NOL4L: variants seen among roughly 807,000 people sequenced by gnomAD.
The protein encoded by NOL4L is nucleolar protein 4 like.
NOL4L carries 7 observed loss-of-function variants against 64.5 expected under a neutral mutation model. The ratio of observed to expected loss-of-function variants is 0.11; its 90% CI spans 0.06 to 0.20. NOL4L has a LOEUF of 0.20. Ranked by LOEUF, NOL4L falls within the 10% of genes least tolerant of loss-of-function variation. The pLI is 1.00. For synonymous variants in NOL4L, 413 were observed against 401.0 expected, an observed-to-expected ratio of 1.03 and a Z score of -0.36; for missense variants, 680 against 967.1, an observed-to-expected ratio of 0.70 and a Z score of 3.94.
chr20:32,499,265 C>A (rs2016822353), intron 4 of NOL4L, among the ~76,000 whole-genome samples: 1 of 152,014 alleles, frequency 6.6e-6, no homozygotes. Context: ...TGTTTAGAGC[C>A]CCCCGATCCT....
intron 4 of NOL4L, among the ~76,000 whole-genome samples, chr20:32,502,074 G>A (rs970237200): frequency 6.6e-6 from 1 of 152,210 alleles, no homozygotes; most frequent in Admixed American, 6.5e-5. Flanking sequence ...ATGAGAGGGT[G>A]TAAGAGTGCA....
At chr20:32,457,187 T>A (rs1600649733) in intron 5 of NOL4L, among the ~76,000 whole-genome samples, 1 of 152,192 alleles carries the variant, frequency 6.6e-6, no homozygotes, top group Admixed American at 6.5e-5. Flanking sequence ...GAGGAAACTT[T>A]AACCAGGGGA....
intron 1 of NOL4L, among the ~76,000 whole-genome samples, chr20:32,567,936 TCAC>T (rs1009930797): frequency 1.3e-5 from 2 of 148,564 alleles, no homozygotes; most frequent in African/African-American, 2.6e-5. Context: ...ATCATCATCA[TCAC>T]CATCACCATC....
rs374545796 is a variant in NOL4L at position 32,517,591 on chromosome 20, C to T, written c.589+3220G>A. Among the ~76,000 whole-genome samples, 481 of 152,336 alleles carry T rather than the reference C, an allele frequency of 3.2e-3. 5 individuals are homozygous for T. The highest frequency in any genetic ancestry group is 0.011 in the African/African-American group (448 of 41,578). On this transcript the variant is annotated intron_variant, in intron 3 of 10. Coordinates refer to ENST00000621426, the MANE Select transcript of NOL4L (RefSeq NM_001256798.2). ...CACTGGCAGCTTCCAGAAACCAGGC[C>T]TTTCCCTTCTAACCCTGTCCAGGGT...
intron 4 of NOL4L, among the ~76,000 whole-genome samples, chr20:32,488,817 CT>C (rs1394405957): frequency 8.4e-5 from 2 of 23,930 alleles, no homozygotes; most frequent in East Asian, 2.2e-3. Flanking sequence ...TTCTTTCTTT[CT>C]TTCTTTCTTT....
intron 5 of NOL4L, among the ~76,000 whole-genome samples, chr20:32,456,801 C>A (rs1398217586): frequency 6.6e-6 from 1 of 152,224 alleles, no homozygotes; most frequent in African/African-American, 2.4e-5. Flanking sequence ...CACCTCCCAC[C>A]CACCCTGCTC....
intron 1 of NOL4L, among the ~76,000 whole-genome samples, chr20:32,547,104 C>T (rs2018742895): frequency 6.6e-6 from 1 of 152,184 alleles, no homozygotes; most frequent in Admixed American, 6.5e-5. Flanking sequence ...TTACTGTGTG[C>T]CTCACCCTGC....
chr20:32,569,580 C>A (rs1362866339), intron 1 of NOL4L, among the ~76,000 whole-genome samples: 2 of 152,136 alleles, frequency 1.3e-5, no homozygotes, highest in Non-Finnish European at 2.9e-5. Flanking sequence ...AGGAGCCAGA[C>A]ACTAGGGCAG....
At chr20:32,579,779 G>T (rs1036955837) in intron 1 of NOL4L, among the ~76,000 whole-genome samples, 24 of 152,152 alleles carry the variant, frequency 1.6e-4, no homozygotes, top group African/African-American at 5.8e-4. Flanking sequence ...ATCACAACGT[G>T]TAACTGACAA....
In NOL4L at chr20:32,446,218, A is replaced by T. The variant is rs2012322909; in HGVS notation, c.*1378T>A. 1 of 144,090 alleles carries T rather than the reference A, an allele frequency of 6.9e-6. No homozygotes were observed. The allele number at this position is 144,090 out of a possible 1,614,324, so 8.9% of individuals were successfully genotyped here. A position where few individuals can be genotyped will look rare whatever the true frequency, so the allele number is the denominator to read the frequency against. ...ACTGGTAGGTATTGCACTGAGCAAG[A>T]GGAAGTGCCTATCAATCAATCAATC... On this transcript the variant is annotated 3_prime_UTR_variant, in exon 11 of 11. Transcript: ENST00000621426.
At chr20:32,580,808 T>C (rs1600895530) in intron 1 of NOL4L, among the ~76,000 whole-genome samples, 1 of 152,204 alleles carries the variant, frequency 6.6e-6, no homozygotes, top group Admixed American at 6.5e-5. Context: ...CCACGGAGAC[T>C]TGGGGCTCTC....
intron 4 of NOL4L, among the ~76,000 whole-genome samples, chr20:32,490,950 C>T (rs1188717695): frequency 2.0e-5 from 3 of 152,210 alleles, no homozygotes; most frequent in Non-Finnish European, 4.4e-5. Context: ...CTGTAGCAGA[C>T]GGACTCGCCA....
At position 32,453,985 on chromosome 20, in the gene NOL4L, A is replaced by C. The variant is rs2013208981; in HGVS notation, c.1120-224T>G. 3.5e-6 allele frequency: 2 copies of C among 573,714 alleles called. No individual in the cohort carries two copies. The highest frequency in any genetic ancestry group is 6.3e-6 in the Non-Finnish European group (2 of 319,842). The allele number at this position is 573,714 out of a possible 1,614,324, so 35.5% of individuals were successfully genotyped here. On this transcript the variant is annotated intron_variant, in intron 6 of 10. Coordinates refer to ENST00000621426, the MANE Select transcript of NOL4L (RefSeq NM_001256798.2). The surrounding 1 kb of genome is among the most constrained non-coding windows in gnomAD (Gnocchi z 5.6). ...CCTCCCTCCCTGGGCTGCCGCAGGGAGGACCGACTGCAATAGTGTATGCAG... is the reference window on the plus strand; with the variant it reads ...CCTCCCTCCCTGGGCTGCCGCAGGGCGGACCGACTGCAATAGTGTATGCAG...
At chr20:32,556,989 G>C (rs536026732) in intron 1 of NOL4L, among the ~76,000 whole-genome samples, 61 of 152,316 alleles carry the variant, frequency 4.0e-4, no homozygotes, top group Admixed American at 8.5e-4. Context: ...AGGTAGACCC[G>C]ATTTTAAATC....
chr20:32,452,850 G>A (rs971112130), intron 9 of NOL4L, 34 bp downstream of exon 9: 3 of 1,611,134 alleles, frequency 1.9e-6, no homozygotes, highest in Non-Finnish European at 2.5e-6. Flanking sequence ...GGCTGCCCAG[G>A]AGCGGCCCCT....
intron 3 of NOL4L, among the ~76,000 whole-genome samples, chr20:32,516,371 G>C (rs2017659989): frequency 6.6e-6 from 1 of 152,154 alleles, no homozygotes; most frequent in Non-Finnish European, 1.5e-5. Context: ...TATCCGGGTG[G>C]GGAACGTGAG....
chr20:32,575,560 A>C (rs1980042159), intron 1 of NOL4L, among the ~76,000 whole-genome samples: 1 of 151,610 alleles, frequency 6.6e-6, no homozygotes, highest in East Asian at 2.0e-4. Context: ...GTGTAGAACT[A>C]GGCAGTTCTC....
At position 32,566,583 on chromosome 20, in the gene NOL4L, C is replaced by A. The variant is rs1427288832; in HGVS notation, c.321+17987G>T. On this transcript the variant is annotated intron_variant, in intron 1 of 10. Transcript: ENST00000621426. ...CTTGCAGTTCCTCAAACCAACCAGA[C>A]ACACTCCTGCCTCGGGGCCTTTGCA... Among the ~76,000 whole-genome samples the A allele has an allele frequency of 2.6e-5, 4 of 152,194 alleles. No homozygotes were observed. The East Asian group carries it at 7.7e-4, about 29-fold the overall frequency.
intron 4 of NOL4L, among the ~76,000 whole-genome samples, chr20:32,493,517 C>A (rs142190221): frequency 4.6e-5 from 7 of 152,094 alleles, no homozygotes; most frequent in African/African-American, 7.2e-5. Flanking sequence ...ACTTGACTCT[C>A]CAAGCCTTGG....
Sources: gnomAD v4.1 joint callset for allele counts (sites outside exome capture counted in the v4.1 genomes callset) on GRCh38, gnomAD v4.1.1 for gene constraint, Gnocchi (gnomAD v3.1) non-coding constraint, MANE v1.5 for transcripts, NCBI Gene and HGNC (gene_info 2026-07-23, HGNC 2026-07-21) for gene names.